Variants in LEMD3 observed in about 807,000 individuals in gnomAD.
LEMD3 encodes the protein LEM domain containing 3.
LEMD3 carries 33 observed loss-of-function variants against 95.2 expected under a neutral mutation model. That is an observed-to-expected ratio of 0.35 (90% CI 0.26 to 0.46). The LOEUF is 0.46. LEMD3 is among the 20% of genes least tolerant of loss of function. LEMD3 has a pLI of 1.00. For synonymous variants in LEMD3, 525 were observed against 474.6 expected (o/e 1.11, Z -1.38); for missense variants, 1,210 against 1,192.8 (o/e 1.01, Z -0.21).
At chr12:65,227,454 G>T (rs1396678523) in intron 4 of LEMD3, among the ~76,000 whole-genome samples, 1 of 151,992 alleles carries the variant, frequency 6.6e-6, no homozygotes, top group Non-Finnish European at 1.5e-5. Context: ...TTCTTCCTTG[G>T]TATCTGGGGA....
intron 1 of LEMD3, among the ~76,000 whole-genome samples, chr12:65,195,236 C>T (rs752846968): frequency 1.3e-5 from 2 of 152,028 alleles, no homozygotes; most frequent in African/African-American, 2.4e-5. Context: ...TTAAATGGAG[C>T]TCTTTTATAA....
In LEMD3 at chr12:65,170,442, CCGGCAT is replaced by C. The variant is rs746915404; in HGVS notation, c.851_856del (p.His284_Arg285del). On this transcript the variant is annotated inframe_deletion, in exon 1 of 13. Coordinates refer to ENST00000308330, the MANE Select transcript of LEMD3 (RefSeq NM_014319.5). ...AGGTATTAAAGGACGACTCCCTTTC[CCGGCAT>C]CGGCCCAGACGAACCCATAGTAAGC... The C allele has an allele frequency of 6.2e-7, 1 of 1,613,932 alleles. No homozygotes were observed. Among genetic ancestry groups the C allele is most frequent in the Admixed American group, 1.7e-5 (1 of 60,008 alleles).
chr12:65,204,174 AT>A (rs879289495), intron 1 of LEMD3, among the ~76,000 whole-genome samples: 359 of 134,486 alleles, frequency 2.7e-3, no homozygotes, highest in Middle Eastern at 3.8e-3. Context: ...TTTTTTTTTC[AT>A]TTTTTTTTTT....
chr12:65,219,107 A>G (rs1018711090), intron 4 of LEMD3, among the ~76,000 whole-genome samples: 1 of 152,130 alleles, frequency 6.6e-6, no homozygotes, highest in Non-Finnish European at 1.5e-5. Flanking sequence ...AGTTTGTTTT[A>G]GAACATTCTC....
At chr12:65,196,379 G>C (rs1368933240) in intron 1 of LEMD3, among the ~76,000 whole-genome samples, 2 of 152,012 alleles carry the variant, frequency 1.3e-5, no homozygotes, top group East Asian at 1.9e-4. Context: ...TTTGGATCCT[G>C]TTTTTCTAAT....
In LEMD3 at chr12:65,170,654, C is replaced by G. The variant is rs1868510817; in HGVS notation, c.1058C>G (p.Pro353Arg). ...GGGTGTGATCAAGTGGACTCCAGCC[C>G]CGTTCCTAGATACCGTGTTAACGCT... ...GGGCDQVDSS[P>R]VPRYRVNAKK... The change falls in exon 1 of 13, where the codon CCC (proline) becomes CGC (arginine). Residue 353 changes from proline (P) to arginine (R), a missense_variant. Pro to Arg is a moderately radical substitution (Grantham distance 103). Coordinates refer to ENST00000308330, the MANE Select transcript of LEMD3 (RefSeq NM_014319.5). 4 of 1,614,176 alleles carry G rather than the reference C, an allele frequency of 2.5e-6. No homozygotes were observed. Among genetic ancestry groups the G allele is most frequent in the Non-Finnish European group, 3.4e-6 (4 of 1,180,024 alleles).
At chr12:65,192,632 G>T (rs1309427289) in intron 1 of LEMD3, among the ~76,000 whole-genome samples, 3 of 151,856 alleles carry the variant, frequency 2.0e-5, no homozygotes, top group African/African-American at 4.8e-5. Context: ...ATTGGAATTT[G>T]TAAATTTAAT....
intron 4 of LEMD3, among the ~76,000 whole-genome samples, chr12:65,228,058 C>A (rs1172401838): frequency 6.6e-6 from 1 of 152,002 alleles, no homozygotes; most frequent in Admixed American, 6.6e-5. Context: ...CAAGATAGGA[C>A]CTGACCAGTA....
chr12:65,238,614 G>C (rs539999026), intron 5 of LEMD3, 33 bp downstream of exon 5: 392 of 1,610,218 alleles, frequency 2.4e-4, no homozygotes, highest in Non-Finnish European at 3.2e-4. Flanking sequence ...TGACCATTCT[G>C]TACTGGGAGA....
chr12:65,226,728 C>G (rs1234999413), intron 4 of LEMD3, among the ~76,000 whole-genome samples: 2 of 152,188 alleles, frequency 1.3e-5, no homozygotes, highest in Admixed American at 6.5e-5. Flanking sequence ...GGTAAAGTCT[C>G]TAACTTTTCT....
chr12:65,195,461 G>A (rs1338767528), intron 1 of LEMD3, among the ~76,000 whole-genome samples: 2 of 151,034 alleles, frequency 1.3e-5, no homozygotes, highest in Non-Finnish European at 2.9e-5. Flanking sequence ...TCTTATTGAT[G>A]TTTATGAAAA....
At chr12:65,226,172 A>T (rs1463838996) in intron 4 of LEMD3, among the ~76,000 whole-genome samples, 1 of 152,202 alleles carries the variant, frequency 6.6e-6, no homozygotes, top group African/African-American at 2.4e-5. Flanking sequence ...TTCAGACATG[A>T]CAGAAACCAG....
chr12:65,185,872 A>G (rs922112550), intron 1 of LEMD3, among the ~76,000 whole-genome samples: 2 of 151,952 alleles, frequency 1.3e-5, no homozygotes, highest in Admixed American at 6.6e-5. Flanking sequence ...CAGTAAGTGA[A>G]AAATTCAGGC....
chr12:65,187,184 A>G (rs1484307041), intron 1 of LEMD3, among the ~76,000 whole-genome samples: 1 of 152,120 alleles, frequency 6.6e-6, no homozygotes, highest in Non-Finnish European at 1.5e-5. Flanking sequence ...TTTAGGCAAT[A>G]TTAGCTACTT....
rs929680285 is a variant in LEMD3, at chr12:65,170,299, G to A, written c.703G>A (p.Glu235Lys). 3 of 1,582,030 alleles carry A rather than the reference G, an allele frequency of 1.9e-6. No homozygotes were observed. Among genetic ancestry groups the A allele is most frequent in the Non-Finnish European group, 2.6e-6 (3 of 1,164,234 alleles). The change falls in exon 1 of 13, where the codon GAG (glutamate) becomes AAG (lysine). Residue 235 changes from glutamate (E) to lysine (K), a missense_variant. This residue lies in a region of LEMD3 where 749 missense variants were observed against 622.9 expected (regional missense o/e 1.20). Coordinates refer to ENST00000308330, the MANE Select transcript of LEMD3 (RefSeq NM_014319.5). Reference protein sequence around the residue: ...EDGEERDPETEEPLWASRTVN... With the variant: ...EDGEERDPETKEPLWASRTVN... ...CGGTGAGGAGAGGGACCCGGAGACCGAGGAGCCGCTCTGGGCGAGCCGGAC... is the reference window on the plus strand; with the variant it reads ...CGGTGAGGAGAGGGACCCGGAGACCAAGGAGCCGCTCTGGGCGAGCCGGAC...
At chr12:65,195,572 C>T (rs1240133386) in intron 1 of LEMD3, among the ~76,000 whole-genome samples, 2 of 152,076 alleles carry the variant, frequency 1.3e-5, no homozygotes, top group African/African-American at 2.4e-5. Context: ...AAAGGGATTG[C>T]TCTTAGGTTA....
chr12:65,212,461 C>T (rs1170290243), intron 2 of LEMD3, among the ~76,000 whole-genome samples: 3 of 148,516 alleles, frequency 2.0e-5, no homozygotes, highest in East Asian at 2.0e-4. Flanking sequence ...GGCCTGAACC[C>T]GGGAGGCGGA....
intron 1 of LEMD3, among the ~76,000 whole-genome samples, chr12:65,181,318 A>G (rs879781664): frequency 6.6e-6 from 1 of 152,184 alleles, no homozygotes; most frequent in Non-Finnish European, 1.5e-5. Flanking sequence ...TTATTCATTC[A>G]GTCACGCATT....
chr12:65,242,410 A>T, intron 9 of LEMD3, among the ~76,000 whole-genome samples: 1 of 152,226 alleles, frequency 6.6e-6, no homozygotes, highest in East Asian at 1.9e-4. Flanking sequence ...ATTTTGAATG[A>T]AGTCTGGTTT....
Sources: gnomAD v4.1 joint callset for allele counts (sites outside exome capture counted in the v4.1 genomes callset) on GRCh38, gnomAD v4.1.1 for gene constraint, gnomAD v4.1.1 regional missense constraint, MANE v1.5 for transcripts, NCBI Gene and HGNC (gene_info 2026-07-23, HGNC 2026-07-21) for gene names.